The following ENPP4 variants were observed in gnomAD, a reference collection of about 807,000 sequenced individuals.
ENPP4 encodes bis(5'-adenosyl)-triphosphatase ENPP4.
ENPP4 carries 18 observed loss-of-function variants against 33.4 expected under a neutral mutation model. The observed-to-expected ratio is 0.54, with a 90% CI of 0.37 to 0.80. The LOEUF (loss-of-function observed/expected upper bound fraction) is 0.80. Ranked by LOEUF, ENPP4 falls within the 30% of genes least tolerant of loss-of-function variation. The pLI, the probability that ENPP4 is intolerant of heterozygous loss-of-function variation, is 0.00. For synonymous variants in ENPP4, 172 were observed against 189.9 expected (o/e 0.91, Z 0.78); for missense variants, 480 against 541.7 (o/e 0.89, Z 1.13).
At chr6:46,138,118 C>T (rs1017479307) in intron 1 of ENPP4, among the ~76,000 whole-genome samples, 8 of 151,794 alleles carry the variant, frequency 5.3e-5, no homozygotes, top group African/African-American at 1.9e-4. Flanking sequence ...ATTCTAACTG[C>T]AATCCCAGAT....
intron 1 of ENPP4, among the ~76,000 whole-genome samples, chr6:46,135,613 G>A (rs6935013): frequency 0.097 from 14,713 of 151,972 alleles, 834 homozygotes; most frequent in East Asian, 0.16. Context: ...TCTCTGGGTT[G>A]TCTTTTCACT....
At chr6:46,141,793 A>C (rs193154756) in intron 3 of ENPP4, among the ~76,000 whole-genome samples, 150 of 151,820 alleles carry the variant, frequency 9.9e-4, no homozygotes, top group Middle Eastern at 6.8e-3. Flanking sequence ...TTATTTATCC[A>C]TATTTCATAT....
At position 46,141,297 on chromosome 6, in the gene ENPP4, G is replaced by T; in HGVS notation, c.997+75G>T. On this transcript the variant is annotated intron_variant, in intron 3 of 3. Coordinates refer to ENST00000321037, the MANE Select transcript of ENPP4 (RefSeq NM_014936.5). Reference sequence around the variant, plus strand: ...CCTTGTGATACTGTTGTGTTAAGAGGGTACTTCGATTTAAAGAAGTTCACA... The same window carrying T: ...CCTTGTGATACTGTTGTGTTAAGAGTGTACTTCGATTTAAAGAAGTTCACA... The T allele has an allele frequency of 2.8e-6, 3 of 1,073,732 alleles. No homozygotes were observed. The South Asian group carries it at 4.5e-5, about 16-fold the overall frequency. 66.5% of individuals were successfully genotyped at this position (1,073,732 alleles called of 1,614,324 possible). A position where few individuals can be genotyped will look rare whatever the true frequency, so the allele number is the denominator to read the frequency against.
intron 1 of ENPP4, among the ~76,000 whole-genome samples, chr6:46,133,328 A>G (rs1267124627): frequency 1.3e-5 from 2 of 152,202 alleles, no homozygotes; most frequent in Non-Finnish European, 2.9e-5. Context: ...TCCTTAGACT[A>G]TAAGAAAGCA....
At chr6:46,134,652 A>G (rs1219131067) in intron 1 of ENPP4, among the ~76,000 whole-genome samples, 3 of 152,194 alleles carry the variant, frequency 2.0e-5, no homozygotes, top group Non-Finnish European at 2.9e-5. Flanking sequence ...GTGGCAGGAC[A>G]TTTCAGATTA....
intron 1 of ENPP4, among the ~76,000 whole-genome samples, chr6:46,135,954 T>C (rs1159545703): frequency 6.6e-6 from 1 of 152,048 alleles, no homozygotes. Flanking sequence ...GTAAATCTAC[T>C]GGAAAATTTT....
chr6:46,143,164 T>A, intron 3 of ENPP4, 112 bp from the exon 4 acceptor site: 1 of 1,081,994 alleles, frequency 9.2e-7, no homozygotes. Context: ...GAAATAGAAA[T>A]TTTTATTTCT....
chr6:46,135,253 C>T (rs1763960711), intron 1 of ENPP4, among the ~76,000 whole-genome samples: 1 of 152,020 alleles, frequency 6.6e-6, no homozygotes, highest in South Asian at 2.1e-4. Flanking sequence ...TTGAAGACTG[C>T]CAGAATATTT....
rs184212541 is a variant in ENPP4, at chr6:46,135,884, G to A, written c.-33-3667G>A. On this transcript the variant is annotated intron_variant, in intron 1 of 3. Transcript: ENST00000321037. ...AGGGCTTCAATTTCTTTTGCATGTG[G>A]ATATCCAGTTGTCCCTCTACCATTT... 7.2e-5 allele frequency among the ~76,000 whole-genome samples: 11 copies of A among 152,084 alleles called. No individual in the cohort carries two copies. The East Asian group carries it at 2.1e-3, about 29-fold the overall frequency.
chr6:46,142,067 T>A (rs1211599816), intron 3 of ENPP4, among the ~76,000 whole-genome samples: 1 of 151,522 alleles, frequency 6.6e-6, no homozygotes, highest in African/African-American at 2.4e-5. Flanking sequence ...TACAGTTCCC[T>A]GATATATAGC....
Position 46,146,172 on chromosome 6 carries a change from C to T in ENPP4, c.*2532C>T, listed in dbSNP as rs532664880. 6.6e-6 allele frequency: 1 copy of T among 152,210 alleles called. No individual in the cohort carries two copies. Among genetic ancestry groups the T allele is most frequent in the African/African-American group, 2.4e-5 (1 of 41,500 alleles). The allele number at this position is 152,210 out of a possible 1,614,324, so 9.4% of individuals were successfully genotyped here. On this transcript the variant is annotated 3_prime_UTR_variant, in exon 4 of 4. Transcript: ENST00000321037. Reference sequence around the variant, plus strand: ...TCAGAATAAGTACATTCATGTATAACATAGGGACAGTTCTGCTGCTGTTAT... The same window carrying T: ...TCAGAATAAGTACATTCATGTATAATATAGGGACAGTTCTGCTGCTGTTAT...
chr6:46,135,477 T>C (rs1763962578), intron 1 of ENPP4, among the ~76,000 whole-genome samples: 1 of 152,110 alleles, frequency 6.6e-6, no homozygotes, highest in South Asian at 2.1e-4. Context: ...TGGAGAAATA[T>C]CTTTTTCAGC....
chr6:46,145,853 T>A lies in ENPP4; in HGVS notation c.*2213T>A, dbSNP rs553223068. 4.6e-5 allele frequency: 7 copies of A among 152,046 alleles called. No homozygotes were observed. The highest frequency in any genetic ancestry group is 1.7e-4 in the African/African-American group (7 of 41,542). 9.4% of individuals were successfully genotyped at this position (152,046 alleles called of 1,614,324 possible). A position where few individuals can be genotyped will look rare whatever the true frequency, so the allele number is the denominator to read the frequency against. On this transcript the variant is annotated 3_prime_UTR_variant, in exon 4 of 4. Transcript: ENST00000321037. ...GTTGATGGGACAAGAAGAATAGTAT[T>A]TATTTAATAAAACATATATTATATT...
chr6:46,142,244 C>T (rs1346767935), intron 3 of ENPP4, among the ~76,000 whole-genome samples: 1 of 71,408 alleles, frequency 1.4e-5, no homozygotes, highest in Non-Finnish European at 3.3e-5. Flanking sequence ...GATTTATAGG[C>T]AAATGTTAAT....
At chr6:46,134,306 TG>T (rs958899450) in intron 1 of ENPP4, among the ~76,000 whole-genome samples, 1 of 152,160 alleles carries the variant, frequency 6.6e-6, no homozygotes, top group African/African-American at 2.4e-5. Flanking sequence ...GTTCAGGTTC[TG>T]GGACCCTTCT....
At chr6:46,133,802 T>G (rs1242506911) in intron 1 of ENPP4, among the ~76,000 whole-genome samples, 1 of 152,172 alleles carries the variant, frequency 6.6e-6, no homozygotes, top group East Asian at 1.9e-4. Context: ...GTCTGTAGCT[T>G]AACACTCCCT....
intron 1 of ENPP4, among the ~76,000 whole-genome samples, chr6:46,136,278 T>C (rs569509368): frequency 1.3e-5 from 2 of 152,164 alleles, no homozygotes; most frequent in African/African-American, 2.4e-5. Context: ...ATAAGTTCTT[T>C]GTCCCCTAAT....
Position 46,145,174 on chromosome 6 carries a change from T to C in ENPP4, c.*1534T>C, listed in dbSNP as rs1418204422. On this transcript the variant is annotated 3_prime_UTR_variant, in exon 4 of 4. Transcript: ENST00000321037. Reference sequence around the variant, plus strand: ...AATAAATATGCAGCCCAGTTAAATATTGATTATCTGTGATGGTAAAGAACA... The same window carrying C: ...AATAAATATGCAGCCCAGTTAAATACTGATTATCTGTGATGGTAAAGAACA... The C allele has an allele frequency of 1.4e-5, 5 of 359,140 alleles. No individual in the cohort carries two copies. Among genetic ancestry groups the C allele is most frequent in the Non-Finnish European group, 2.0e-5 (4 of 201,206 alleles). 22.2% of individuals were successfully genotyped at this position (359,140 alleles called of 1,614,324 possible).
intron 1 of ENPP4, among the ~76,000 whole-genome samples, chr6:46,136,358 C>T (rs1441881777): frequency 6.6e-6 from 1 of 151,874 alleles, no homozygotes; most frequent in East Asian, 1.9e-4. Flanking sequence ...TGATTTTTTA[C>T]AAAATGACCC....
Sources: allele counts gnomAD v4.1 joint callset (sites outside exome capture counted in the v4.1 genomes callset), GRCh38; gene constraint gnomAD v4.1.1; transcripts MANE v1.5; gene names NCBI Gene and HGNC (gene_info 2026-07-23, HGNC 2026-07-21).